Variants in GFM2 observed in about 807,000 individuals in gnomAD.
GFM2 encodes the protein ribosome-releasing factor 2, mitochondrial.
A neutral mutation model predicts 95.4 loss-of-function variants in GFM2; 72 were observed. The observed-to-expected ratio is 0.76, with a 90% confidence interval of 0.62 to 0.92. The LOEUF is 0.92. Ranked by LOEUF, GFM2 falls within the 40% of genes least tolerant of loss-of-function variation. GFM2 has a pLI of 0.00. For missense variants in GFM2, 825 were observed against 924.1 expected, an observed-to-expected ratio of 0.89 and a Z score of 1.39; for synonymous variants, 276 against 317.5, an observed-to-expected ratio of 0.87 and a Z score of 1.39.
At chr5:74,745,911 AATG>A in intron 9 of GFM2, 54 bp from the exon 10 acceptor site, 4 of 1,410,686 alleles carry the variant, frequency 2.8e-6, no homozygotes, top group East Asian at 2.3e-5. Flanking sequence ...TGAAAACTAC[AATG>A]ATGACAAGTC....
intron 15 of GFM2, among the ~76,000 whole-genome samples, chr5:74,734,730 G>C (rs1225195271): frequency 6.6e-6 from 1 of 152,114 alleles, no homozygotes; most frequent in Admixed American, 6.5e-5. Context: ...AACAGGTATC[G>C]AGGGTTATAA....
chr5:74,737,779 A>G (rs1396462553), intron 14 of GFM2, among the ~76,000 whole-genome samples: 1 of 152,240 alleles, frequency 6.6e-6, no homozygotes, highest in Non-Finnish European at 1.5e-5. Context: ...GTTTTAACCC[A>G]TGAAAAATAA....
At chr5:74,752,695 T>A (rs1035300762) in intron 5 of GFM2, among the ~76,000 whole-genome samples, 1 of 152,352 alleles carries the variant, frequency 6.6e-6, no homozygotes, top group Non-Finnish European at 1.5e-5. Context: ...ATTATTCATA[T>A]GACTAATAAA....
At position 74,738,554 on chromosome 5, in the gene GFM2, A is replaced by C; in HGVS notation, c.1168T>G (p.Ser390Ala). The change falls in exon 13 of 21, where the codon TCA becomes GCA. Residue 390 changes from serine to alanine, a missense_variant. Transcript: ENST00000296805. ...RGPLVFMRIY[S>A]GTIKPQLAIH... ...GCCAACTGGGGTTTTATAGTGCCTG[A>C]GTAAATGCGCATAAAAACCAGTGGT... 6.2e-7 allele frequency: 1 copy of C among 1,613,748 alleles called. No individual in the cohort carries two copies. The highest frequency in any genetic ancestry group is 8.5e-7 in the Non-Finnish European group (1 of 1,179,742).
chr5:74,732,128 A>ATTTTTT (rs533165001), intron 16 of GFM2, among the ~76,000 whole-genome samples: 126 of 85,394 alleles, frequency 1.5e-3, no homozygotes, highest in Middle Eastern at 0.011. Context: ...CTAATTTTTA[A>ATTTTTT]TTTTTTTTTT....
At chr5:74,765,532 G>T (rs1203697726) in intron 1 of GFM2, among the ~76,000 whole-genome samples, 1 of 152,174 alleles carries the variant, frequency 6.6e-6, no homozygotes. Context: ...TTTAAGCAAA[G>T]ACCTGAAGTA....
chr5:74,736,551 G>C, intron 15 of GFM2: 1 of 1,336,128 alleles, frequency 7.5e-7, no homozygotes, highest in African/African-American at 1.5e-5. Context: ...CCCATAGATA[G>C]CACTACAAGA....
intron 5 of GFM2, 70 bp from the exon 6 acceptor site, chr5:74,751,563 C>G: frequency 1.7e-6 from 2 of 1,172,570 alleles, no homozygotes; most frequent in Non-Finnish European, 2.5e-6. Context: ...CAATATCTAC[C>G]TGACACAGTT....
At chr5:74,744,922 G>A (rs1743302099) in intron 10 of GFM2, among the ~76,000 whole-genome samples, 1 of 152,138 alleles carries the variant, frequency 6.6e-6, no homozygotes. Context: ...ACACATATTT[G>A]CAACATGGAT....
chr5:74,743,523 C>A (rs1011943557), intron 10 of GFM2, among the ~76,000 whole-genome samples: 2 of 152,162 alleles, frequency 1.3e-5, no homozygotes, highest in Non-Finnish European at 2.9e-5. Context: ...TAGCTACTGA[C>A]AGTCTCAGAT....
At chr5:74,741,836 A>C (rs1743122625) in intron 10 of GFM2, 1 of 334,470 alleles carries the variant, frequency 3.0e-6, no homozygotes, top group South Asian at 1.0e-4. Context: ...ATTCACAGAA[A>C]GCCAGATCCT....
At chr5:74,731,673 T>C (rs1372391026) in intron 16 of GFM2, among the ~76,000 whole-genome samples, 1 of 152,212 alleles carries the variant, frequency 6.6e-6, no homozygotes, top group Non-Finnish European at 1.5e-5. Flanking sequence ...AAAAGTGAAC[T>C]ATTTGGGGAA....
chr5:74,748,789 C>G (rs1043583755), intron 7 of GFM2, among the ~76,000 whole-genome samples: 1 of 150,558 alleles, frequency 6.6e-6, no homozygotes, highest in Non-Finnish European at 1.5e-5. Context: ...CGCTTGAACC[C>G]GGGAGACAGA....
Position 74,745,877 on chromosome 5 carries a change from T to TA in GFM2, c.670-21dup. 2 of 1,580,128 alleles carry TA rather than the reference T, an allele frequency of 1.3e-6. No homozygotes were observed. Among genetic ancestry groups the TA allele is most frequent in the Non-Finnish European group, 1.7e-6 (2 of 1,155,928 alleles). On this transcript the variant is annotated intron_variant, in intron 9 of 20. Coordinates refer to ENST00000296805, the MANE Select transcript of GFM2 (RefSeq NM_032380.5). ...TGGTAACTGTAAGTCAGAGTGAGAT[T>TA]AACATTATTACATGATCACTCACTG...
rs1749873122 is a variant in GFM2, at chr5:74,721,416, T to C, written c.*239A>G. On this transcript the variant is annotated 3_prime_UTR_variant, in exon 21 of 21. Coordinates refer to ENST00000296805, the MANE Select transcript of GFM2 (RefSeq NM_032380.5). The stretch of plus-strand genomic sequence containing the variant: ...AAGGCTACTTATAGTAATAACTTCA[T>C]AGATGAACAGCATGATTCAGGTACA... 4.2e-6 allele frequency: 3 copies of C among 712,908 alleles called. No homozygotes were observed. The highest frequency in any genetic ancestry group is 7.6e-6 in the Non-Finnish European group (3 of 395,416). The allele number at this position is 712,908 out of a possible 1,614,324, so 44.2% of individuals were successfully genotyped here.
At chr5:74,726,236 G>T in intron 17 of GFM2, 110 bp from the exon 18 acceptor site, 1 of 699,730 alleles carries the variant, frequency 1.4e-6, no homozygotes, top group Non-Finnish European at 2.4e-6. Context: ...ACAAGATAAA[G>T]TGGGAGAGAA....
chr5:74,763,094 A>T (rs2112374675), intron 2 of GFM2, among the ~76,000 whole-genome samples: 1 of 152,360 alleles, frequency 6.6e-6, no homozygotes, highest in Non-Finnish European at 1.5e-5. Context: ...CTTTAAGTAT[A>T]CTGAAGATGT....
At position 74,763,732 on chromosome 5, in the gene GFM2, T is replaced by C. The variant is rs769555873; in HGVS notation, c.11A>G (p.Asn4Ser). The change falls in exon 2 of 21, where the codon AAC becomes AGC. Residue 4 changes from asparagine (N) to serine (S), a missense_variant. By Grantham distance (46) the Asn-to-Ser change is conservative (BLOSUM62 1). Coordinates refer to ENST00000296805, the MANE Select transcript of GFM2 (RefSeq NM_032380.5). Reference protein sequence around the residue: MLTNLRIFAMSHQT... With the variant: MLTSLRIFAMSHQT... ...ATGACTCATTGCAAATATCCTCAAG[T>C]TGGTCAACATCTTGATCCTCCAAAC... 3.1e-6 allele frequency: 5 copies of C among 1,606,504 alleles called. No homozygotes were observed. In the Admixed American group the frequency reaches 5.0e-5, roughly 16 times the overall value.
chr5:74,725,153 A>C (rs1166835232), intron 19 of GFM2: 1 of 153,074 alleles, frequency 6.5e-6, no homozygotes, highest in Non-Finnish European at 1.5e-5. Context: ...GGGCCATGCT[A>C]ATCTTCTCTG....
Sources: allele counts gnomAD v4.1 joint callset (sites outside exome capture counted in the v4.1 genomes callset), GRCh38; gene constraint gnomAD v4.1.1; transcripts MANE v1.5; gene names NCBI Gene and HGNC (gene_info 2026-07-23, HGNC 2026-07-21).